Variants in PTPN4 observed in about 807,000 individuals in gnomAD.
PTPN4 encodes tyrosine-protein phosphatase non-receptor type 4.
Under a neutral mutation model 135.5 loss-of-function variants are expected in PTPN4, and 49 were observed. The observed-to-expected ratio is 0.36, with a 90% CI of 0.29 to 0.46. PTPN4 has a LOEUF of 0.46. Ranked by LOEUF, PTPN4 falls within the 20% of genes least tolerant of loss-of-function variation. The pLI is 1.00. For missense variants in PTPN4, 860 were observed against 1,101.0 expected, an observed-to-expected ratio of 0.78 and a Z score of 3.10; for synonymous variants, 333 against 369.9, an observed-to-expected ratio of 0.90 and a Z score of 1.14.
At chr2:119,815,404 G>T (rs947685329) in intron 2 of PTPN4, among the ~76,000 whole-genome samples, 1 of 152,068 alleles carries the variant, frequency 6.6e-6, no homozygotes, top group African/African-American at 2.4e-5. Context: ...CCATTCTCTT[G>T]TTCCAGAAAT....
intron 1 of PTPN4, among the ~76,000 whole-genome samples, chr2:119,788,361 T>C (rs1333339672): frequency 2.0e-5 from 3 of 152,226 alleles, no homozygotes; most frequent in Non-Finnish European, 4.4e-5. Context: ...GACACACCTC[T>C]AAACATTTGA....
intron 2 of PTPN4, among the ~76,000 whole-genome samples, chr2:119,831,236 C>CTTGCTATT (rs1233381680): frequency 6.6e-6 from 1 of 152,124 alleles, no homozygotes; most frequent in East Asian, 1.9e-4. Flanking sequence ...GACAGTAATG[C>CTTGCTATT]TTGCTAGCTC....
chr2:119,788,034 T>C (rs1691076901), intron 1 of PTPN4, among the ~76,000 whole-genome samples: 1 of 152,208 alleles, frequency 6.6e-6, no homozygotes, highest in South Asian at 2.1e-4. Context: ...CATAAACTTT[T>C]ATTTGGAATA....
intron 1 of PTPN4, among the ~76,000 whole-genome samples, chr2:119,789,429 G>T (rs887245483): frequency 6.6e-6 from 1 of 152,084 alleles, no homozygotes; most frequent in Non-Finnish European, 1.5e-5. Flanking sequence ...TAATTTTGAT[G>T]AAGTCCAATT....
rs1265475467 is a variant in PTPN4, at chr2:119,945,072, C to G, written c.1356-9C>G. ...ATGAAACAACTTCCAAATTTGTTTT[C>G]TTGTCTAGATCACAAGAGACCCCTG... On this transcript the variant is annotated splice_polypyrimidine_tract_variant and intron_variant, in intron 15 of 26. Transcript: ENST00000263708. 6.4e-7 allele frequency: 1 copy of G among 1,564,286 alleles called. No homozygotes were observed. Among genetic ancestry groups the G allele is most frequent in the South Asian group, 1.3e-5 (1 of 79,436 alleles).
At chr2:119,829,355 T>C (rs1677188347) in intron 2 of PTPN4, among the ~76,000 whole-genome samples, 2 of 152,218 alleles carry the variant, frequency 1.3e-5, no homozygotes, top group Admixed American at 1.3e-4. Flanking sequence ...TTTACCACTT[T>C]AGCCATTTTT....
chr2:119,849,338 T>TCACC (rs1332962452), intron 2 of PTPN4, among the ~76,000 whole-genome samples: 3 of 152,224 alleles, frequency 2.0e-5, no homozygotes, highest in Admixed American at 1.3e-4. Flanking sequence ...TGTTGCTTTG[T>TCACC]CACCCAGGCT....
chr2:119,952,634 T>G (rs1679226339), intron 19 of PTPN4, among the ~76,000 whole-genome samples: 1 of 152,218 alleles, frequency 6.6e-6, no homozygotes, highest in African/African-American at 2.4e-5. Flanking sequence ...GAAAATGCCA[T>G]AACAAGCTAT....
At chr2:119,805,964 T>C (rs954554407) in intron 1 of PTPN4, among the ~76,000 whole-genome samples, 4 of 152,298 alleles carry the variant, frequency 2.6e-5, no homozygotes, top group African/African-American at 4.8e-5. Context: ...CAGAATTTCA[T>C]ATTCAGCCAA....
chr2:119,862,966 G>A (rs1449782254), intron 3 of PTPN4, among the ~76,000 whole-genome samples: 1 of 152,026 alleles, frequency 6.6e-6, no homozygotes, highest in Non-Finnish European at 1.5e-5. Context: ...ACCTTCAGAT[G>A]TATATAAATT....
Position 119,979,358 on chromosome 2 carries a change from G to A in PTPN4, c.*2288G>A, listed in dbSNP as rs916327821. On this transcript the variant is annotated 3_prime_UTR_variant, in exon 27 of 27. Transcript: ENST00000263708. The stretch of plus-strand genomic sequence containing the variant: ...GAGTTTAATAATTTCTTGGCAATGA[G>A]CACTGCTGCCTTTTTAAATCATCAA... 3 of 152,052 alleles carry A rather than the reference G, an allele frequency of 2.0e-5. No individual in the cohort carries two copies. Among genetic ancestry groups the A allele is most frequent in the Non-Finnish European group, 2.9e-5 (2 of 67,954 alleles). 9.4% of individuals were successfully genotyped at this position (152,052 alleles called of 1,614,324 possible).
chr2:119,875,728 C>T (rs1320709599), intron 3 of PTPN4, among the ~76,000 whole-genome samples: 1 of 152,066 alleles, frequency 6.6e-6, no homozygotes, highest in East Asian at 1.9e-4. Flanking sequence ...CAGGTGTGTG[C>T]CACTGCTTTT....
At chr2:119,875,285 A>G (rs1435774348) in intron 3 of PTPN4, among the ~76,000 whole-genome samples, 3 of 152,324 alleles carry the variant, frequency 2.0e-5, no homozygotes, top group South Asian at 2.1e-4. Flanking sequence ...TCTCACTGAT[A>G]TCATTGATGA....
chr2:119,807,107 T>A (rs1299826291), intron 1 of PTPN4, among the ~76,000 whole-genome samples: 1 of 152,156 alleles, frequency 6.6e-6, no homozygotes, highest in African/African-American at 2.4e-5. Flanking sequence ...TAGCACTAAA[T>A]GCCCACAAGA....
chr2:119,969,552 C>CTTTTTTTT (rs35531556), intron 26 of PTPN4, among the ~76,000 whole-genome samples: 33 of 113,890 alleles, frequency 2.9e-4, no homozygotes, highest in African/African-American at 3.9e-4. Flanking sequence ...TAATCAATTT[C>CTTTTTTTT]TTTTTTTTTT....
chr2:119,938,255 G>GC (rs1236590535), intron 15 of PTPN4, among the ~76,000 whole-genome samples: 1 of 151,216 alleles, frequency 6.6e-6, no homozygotes, highest in African/African-American at 2.4e-5. Context: ...AGCCTCCCGA[G>GC]TAGCTGGGAC....
chr2:119,917,055 T>C (rs1678664243), intron 11 of PTPN4, among the ~76,000 whole-genome samples: 2 of 152,236 alleles, frequency 1.3e-5, no homozygotes, highest in Admixed American at 1.3e-4. Flanking sequence ...CTTTAAGTAA[T>C]CATAGATGGC....
intron 12 of PTPN4, among the ~76,000 whole-genome samples, chr2:119,925,165 C>G (rs898102942): frequency 1.3e-5 from 2 of 152,148 alleles, no homozygotes; most frequent in Admixed American, 1.3e-4. Context: ...GATGCTCTTT[C>G]TCACTATACC....
intron 1 of PTPN4, among the ~76,000 whole-genome samples, chr2:119,800,891 A>G (rs12477760): frequency 0.59 from 89,620 of 151,228 alleles, 28,497 homozygotes; most frequent in East Asian, 0.8. Flanking sequence ...TGGTAATTCT[A>G]TTTTGTTCCA....
Sources: gnomAD v4.1 joint callset for allele counts (sites outside exome capture counted in the v4.1 genomes callset) on GRCh38, gnomAD v4.1.1 for gene constraint, MANE v1.5 for transcripts, NCBI Gene and HGNC (gene_info 2026-07-23, HGNC 2026-07-21) for gene names.